Variants in BLTP1 observed in about 807,000 individuals in gnomAD.
The protein encoded by BLTP1 is bridge-like lipid transfer protein family member 1.
At chr4:122,300,997 G>T in the BLTP1 span, 2 of 982,774 alleles carry the variant, frequency 2.0e-6, no homozygotes, top group Non-Finnish European at 2.4e-6. Context: ...ATTAGTTGAA[G>T]AAATTAGTCC....
the BLTP1 span, chr4:122,269,378 G>T: frequency 2.0e-6 from 2 of 983,486 alleles, no homozygotes; most frequent in Non-Finnish European, 2.4e-6. Context: ...ACACAAGTAA[G>T]TCTGTTTTGA....
chr4:122,174,236 A>T, the BLTP1 span: 3 of 985,198 alleles, frequency 3.0e-6, no homozygotes, highest in Non-Finnish European at 3.6e-6. Context: ...TCCTGCAGTC[A>T]CTCAAGATTC....
the BLTP1 span, chr4:122,226,922 C>T: frequency 2.1e-6 from 2 of 972,372 alleles, no homozygotes; most frequent in Middle Eastern, 3.1e-4. Context: ...AAGTCAAATA[C>T]ACATAGCCAT....
the BLTP1 span, chr4:122,243,610 A>C: frequency 6.2e-6 from 2 of 323,572 alleles, no homozygotes; most frequent in South Asian, 1.2e-4. Context: ...AAAATTAGGC[A>C]TAGTGGCGCA....
At chr4:122,253,777 T>G in the BLTP1 span, among the ~76,000 whole-genome samples, 792 of 152,074 alleles carry the variant, frequency 5.2e-3, 11 homozygotes, top group African/African-American at 0.017. Context: ...GAGAAAGATA[T>G]CAATATTCAA....
the BLTP1 span, chr4:122,240,074 A>G: frequency 1.2e-6 from 2 of 1,614,154 alleles, no homozygotes; most frequent in Non-Finnish European, 1.7e-6. Context: ...CTCAGGCTTC[A>G]TTTGTTTCTG....
At chr4:122,281,337 T>C in the BLTP1 span, 3 of 973,912 alleles carry the variant, frequency 3.1e-6, no homozygotes, top group African/African-American at 1.8e-5. Flanking sequence ...CATATTGTTA[T>C]TACTTTTTCT....
the BLTP1 span, chr4:122,359,271 C>T: frequency 1.8e-5 from 17 of 935,424 alleles, no homozygotes; most frequent in East Asian, 1.9e-3. Flanking sequence ...AATAAACCTA[C>T]TACAGCCATT....
chr4:122,280,086 G>C, the BLTP1 span: 10 of 1,571,964 alleles, frequency 6.4e-6, no homozygotes, highest in Non-Finnish European at 8.6e-6. Flanking sequence ...TTACTTCTAA[G>C]TATCGACCAT....
At chr4:122,218,557 C>G in the BLTP1 span, among the ~76,000 whole-genome samples, 1 of 152,076 alleles carries the variant, frequency 6.6e-6, no homozygotes, top group Non-Finnish European at 1.5e-5. Flanking sequence ...TGTCAATAAC[C>G]AAAGTGCAGA....
At chr4:122,261,939 ACATT>A in the BLTP1 span, 5 of 985,280 alleles carry the variant, frequency 5.1e-6, no homozygotes, top group African/African-American at 8.7e-5. Context: ...GGAGGTTAAG[ACATT>A]TAAGGGCTTC....
the BLTP1 span, among the ~76,000 whole-genome samples, chr4:122,216,657 A>G: frequency 6.6e-6 from 1 of 152,074 alleles, no homozygotes; most frequent in African/African-American, 2.4e-5. Context: ...TAAATTCTGT[A>G]TATTAGTCCT....
chr4:122,235,633 A>G, the BLTP1 span: 221 of 198,730 alleles, frequency 1.1e-3, no homozygotes, highest in Non-Finnish European at 1.7e-3. Context: ...GTGAAACCCC[A>G]TCTCTGCTAA....
the BLTP1 span, among the ~76,000 whole-genome samples, chr4:122,309,740 A>G: frequency 6.6e-6 from 1 of 152,110 alleles, no homozygotes; most frequent in Non-Finnish European, 1.5e-5. Flanking sequence ...ATGTTTGACC[A>G]GATAAAGCAT....
the BLTP1 span, among the ~76,000 whole-genome samples, chr4:122,329,394 A>G: frequency 6.6e-6 from 1 of 151,424 alleles, no homozygotes; most frequent in African/African-American, 2.4e-5. Flanking sequence ...CTTCCTGGAC[A>G]TTTTTAGAAT....
the BLTP1 span, chr4:122,324,583 C>CT: frequency 6.8e-7 from 1 of 1,468,818 alleles, no homozygotes; most frequent in African/African-American, 1.4e-5. Context: ...ATTGTTGACT[C>CT]TTTTACCAAG....
At chr4:122,179,816 A>C in the BLTP1 span, 1 of 983,696 alleles carries the variant, frequency 1.0e-6, no homozygotes, top group Non-Finnish European at 1.2e-6. Context: ...CACAAGTGCT[A>C]GTACACTCAC....
chr4:122,313,872 T>C, the BLTP1 span: 2 of 168,446 alleles, frequency 1.2e-5, no homozygotes, highest in Non-Finnish European at 2.3e-5. Context: ...TATATATATA[T>C]ATATAAATAT....
the BLTP1 span, chr4:122,250,573 G>A: frequency 1.2e-6 from 2 of 1,612,760 alleles, no homozygotes; most frequent in South Asian, 1.1e-5. Flanking sequence ...CAGATGAACA[G>A]GTTAGTGACT....
Sources: gnomAD v4.1 joint callset for allele counts (sites outside exome capture counted in the v4.1 genomes callset) on GRCh38, gnomAD v4.1.1 for gene constraint, MANE v1.5 for transcripts, NCBI Gene and HGNC (gene_info 2026-07-23, HGNC 2026-07-21) for gene names.